Variants in CTPS2 observed in about 807,000 individuals in gnomAD.
CTPS2 encodes the protein CTP synthase II.
CTPS2 carries 19 observed loss-of-function variants against 46.8 expected under a neutral mutation model. The observed-to-expected ratio is 0.41, with a 90% CI of 0.28 to 0.60. The LOEUF (loss-of-function observed/expected upper bound fraction) is 0.60. Among genes scored for constraint, CTPS2 ranks in the 20% least tolerant of loss-of-function variants. The probability of loss-of-function intolerance (pLI) is 0.35; values close to 1 mark genes in which losing one functional copy is unlikely to be tolerated. For synonymous variants in CTPS2, 151 were observed against 165.2 expected (o/e 0.91, Z 0.66); for missense variants, 286 against 447.6 (o/e 0.64, Z 3.26).
At chrX:16,709,848 CAAAAAA>C (rs35017705) in intron 1 of CTPS2, among the ~76,000 whole-genome samples, 150 of 23,728 alleles carry the variant, frequency 6.3e-3, no homozygotes, top group Non-Finnish European at 8.6e-3. Flanking sequence ...ACTCTGTCTC[CAAAAAA>C]AAAAAAAAAA....
At chrX:16,628,434 C>T (rs1423269207) in intron 14 of CTPS2, among the ~76,000 whole-genome samples, 2 of 109,585 alleles carry the variant, frequency 1.8e-5, no homozygotes, top group African/African-American at 6.7e-5. Context: ...GGTGTGATCT[C>T]GGCTCACTGC....
Position 16,614,304 on chromosome X carries a change from A to T in CTPS2, c.1546+2846T>A, listed in dbSNP as rs759724011. ...TCAATCAATAGTGGCAAGGCTGAGA[A>T]ACCCTGGACAAGGATATTGATGATA... On this transcript the variant is annotated intron_variant, in intron 16 of 18. Coordinates refer to ENST00000359276, the MANE Select transcript of CTPS2 (RefSeq NM_175859.3). 3.6e-5 allele frequency among the ~76,000 whole-genome samples: 4 copies of T among 112,033 alleles called. No individual in the cohort carries two copies. The South Asian group carries it at 1.5e-3, about 42-fold the overall frequency.
At chrX:16,592,317 T>G (rs972096059) in intron 17 of CTPS2, among the ~76,000 whole-genome samples, 1 of 112,486 alleles carries the variant, frequency 8.9e-6, no homozygotes, top group African/African-American at 3.2e-5. Flanking sequence ...GCCTTGGCCA[T>G]GAACCTATGA....
At chrX:16,666,431 G>T (rs1294309256) in intron 13 of CTPS2, among the ~76,000 whole-genome samples, 1 of 111,772 alleles carries the variant, frequency 8.9e-6, no homozygotes, top group African/African-American at 3.3e-5. Context: ...GACATCTCAG[G>T]TATAGGGAAC....
At chrX:16,672,649 C>G (rs751930456) in intron 10 of CTPS2, among the ~76,000 whole-genome samples, 1 of 110,943 alleles carries the variant, frequency 9.0e-6, no homozygotes, top group South Asian at 3.8e-4. Flanking sequence ...GATAATTTTC[C>G]TTTGTGTTAC....
intron 14 of CTPS2, among the ~76,000 whole-genome samples, chrX:16,631,539 A>G (rs746347426): frequency 9.9e-5 from 11 of 111,186 alleles, no homozygotes; most frequent in African/African-American, 3.3e-4. Context: ...AAATAAATAA[A>G]TAAGTTTGGG....
chrX:16,630,018 G>A (rs1362488341), intron 14 of CTPS2, among the ~76,000 whole-genome samples: 1 of 110,857 alleles, frequency 9.0e-6, no homozygotes, highest in East Asian at 2.8e-4. Context: ...GGCTTCACTC[G>A]TGTCTTGTAT....
In CTPS2 at chrX:16,617,136, A is replaced by G. The variant is rs749415836; in HGVS notation, c.1546+14T>C. 8.5e-7 allele frequency: 1 copy of G among 1,181,812 alleles called. No homozygotes were observed. Among genetic ancestry groups the G allele is most frequent in the Non-Finnish European group, 1.1e-6 (1 of 871,105 alleles). ...AGTTATTGGAAGGTTTTCAAAAATG[A>G]AGAGCCCACTTACTTGCCAGTTCAA... On this transcript the variant is annotated intron_variant, in intron 16 of 18. Coordinates refer to ENST00000359276, the MANE Select transcript of CTPS2 (RefSeq NM_175859.3).
At chrX:16,613,214 A>C (rs1930350899) in intron 16 of CTPS2, among the ~76,000 whole-genome samples, 1 of 112,342 alleles carries the variant, frequency 8.9e-6, no homozygotes, top group Non-Finnish European at 1.9e-5. Flanking sequence ...ATAGGCTGGA[A>C]ATGCAGGTTC....
At position 16,693,389 on chromosome X, in the gene CTPS2, G is replaced by A. The variant is rs146938945; in HGVS notation, c.537C>T (p.His179=). 436 of 1,200,453 alleles carry A rather than the reference G, an allele frequency of 3.6e-4. No individual in the cohort carries two copies. The highest frequency in any genetic ancestry group is 6.9e-4 in the Middle Eastern group (3 of 4,341). ...KAKRENFCNI[H]VSLVPQLSAT... ...AGCCCACCTGTGGGACAAGGCTAACGTGGATATTACAGAAATTCTCTCTTT... is the reference window on the plus strand; with the variant it reads ...AGCCCACCTGTGGGACAAGGCTAACATGGATATTACAGAAATTCTCTCTTT... Residue 179 remains histidine, a synonymous_variant, in exon 5 of 19, where the codon CAC becomes CAT. Coordinates refer to ENST00000359276, the MANE Select transcript of CTPS2 (RefSeq NM_175859.3).
chrX:16,606,069 T>G (rs924420792), intron 17 of CTPS2, among the ~76,000 whole-genome samples: 1 of 112,259 alleles, frequency 8.9e-6, no homozygotes, highest in Admixed American at 9.5e-5. Flanking sequence ...TATTCTCCGC[T>G]AGGCAGAATG....
intron 14 of CTPS2, among the ~76,000 whole-genome samples, chrX:16,635,034 A>G (rs1026791698): frequency 9.0e-6 from 1 of 110,868 alleles, no homozygotes; most frequent in African/African-American, 3.3e-5. Context: ...ACCCTATTTC[A>G]AGGCATTATT....
Position 16,670,592 on chromosome X carries a change from T to A in CTPS2, c.1177A>T (p.Ile393Phe). 5.0e-6 allele frequency: 6 copies of A among 1,200,990 alleles called. No homozygotes were observed. The highest frequency in any genetic ancestry group is 6.7e-6 in the Non-Finnish European group (6 of 889,067). Residue 393 changes from isoleucine to phenylalanine, a missense_variant, in exon 11 of 19, where the codon ATT (isoleucine) becomes TTT (phenylalanine). Coordinates refer to ENST00000359276, the MANE Select transcript of CTPS2 (RefSeq NM_175859.3). ...QAISWARTKKIPFLGVCLGMQ... is the reference protein window; with the variant it reads ...QAISWARTKKFPFLGVCLGMQ... ...ACATGAGTTTTACCCAGAAAAGGAATCTTCTTTGTCCTTGCCCAAGAAATC... is the reference window on the plus strand; with the variant it reads ...ACATGAGTTTTACCCAGAAAAGGAAACTTCTTTGTCCTTGCCCAAGAAATC...
chrX:16,653,700 C>G (rs964466433), intron 13 of CTPS2, among the ~76,000 whole-genome samples: 5 of 112,139 alleles, frequency 4.5e-5, no homozygotes, highest in Non-Finnish European at 1.9e-5. Context: ...GCAAGCCTAT[C>G]GTGTGATTCT....
At chrX:16,608,597 G>A (rs1300427537) in intron 17 of CTPS2, among the ~76,000 whole-genome samples, 1 of 111,221 alleles carries the variant, frequency 9.0e-6, no homozygotes, top group East Asian at 2.8e-4. Flanking sequence ...TTATCTCTAA[G>A]AAAATAATAA....
intron 1 of CTPS2, among the ~76,000 whole-genome samples, chrX:16,709,588 C>T (rs368050100): frequency 2.7e-5 from 3 of 110,824 alleles, no homozygotes; most frequent in South Asian, 3.8e-4. Flanking sequence ...CAATGGCTCA[C>T]GCCTGTAATC....
chrX:16,618,017 G>A (rs1178717344), intron 15 of CTPS2, among the ~76,000 whole-genome samples: 7 of 111,166 alleles, frequency 6.3e-5, no homozygotes, highest in African/African-American at 9.8e-5. Context: ...ATGATTTTTC[G>A]TATATTCAGA....
intron 1 of CTPS2, among the ~76,000 whole-genome samples, chrX:16,709,059 A>G (rs1224522583): frequency 9.0e-6 from 1 of 110,650 alleles, no homozygotes; most frequent in Admixed American, 9.7e-5. Context: ...TAGTGAACCC[A>G]GATAGCACCA....
chrX:16,605,444 G>A (rs886562800), intron 17 of CTPS2, among the ~76,000 whole-genome samples: 2 of 111,686 alleles, frequency 1.8e-5, no homozygotes, highest in African/African-American at 3.3e-5. Flanking sequence ...CTATAAGGCC[G>A]GTCGCGGTGG....
Sources: allele counts gnomAD v4.1 joint callset (sites outside exome capture counted in the v4.1 genomes callset), GRCh38; gene constraint gnomAD v4.1.1; transcripts MANE v1.5; gene names NCBI Gene and HGNC (gene_info 2026-07-23, HGNC 2026-07-21).